Variants in ADGRG6 observed in about 807,000 individuals in gnomAD.
ADGRG6 encodes the protein adhesion G protein-coupled receptor G6, also known as G-protein coupled receptor 126.
In ADGRG6, 84 loss-of-function variants were observed where a neutral mutation model predicts 142.4. The observed-to-expected ratio is 0.59, with a 90% CI of 0.49 to 0.71. The LOEUF is 0.71. ADGRG6 is among the 30% of genes least tolerant of loss of function. The probability of loss-of-function intolerance (pLI) is 0.00; values close to 1 mark genes in which losing one functional copy is unlikely to be tolerated. For missense variants in ADGRG6, 1,367 were observed against 1,466.6 expected (o/e 0.93, Z 1.11); for synonymous variants, 521 against 520.5 (o/e 1.00, Z -0.01).
chr6:142,417,061 T>C (rs1336812322), intron 20 of ADGRG6: 2 of 591,276 alleles, frequency 3.4e-6, no homozygotes, highest in Non-Finnish European at 6.1e-6. Flanking sequence ...AGGTTTGGAT[T>C]GTTGCCAGTT....
intron 2 of ADGRG6, among the ~76,000 whole-genome samples, chr6:142,362,631 A>C (rs544654883): frequency 6.6e-6 from 1 of 152,296 alleles, no homozygotes; most frequent in Admixed American, 6.5e-5. Flanking sequence ...CATCTTGAAA[A>C]ATCTGGATAG....
At chr6:142,303,402 A>T (rs1031693690) in intron 1 of ADGRG6, among the ~76,000 whole-genome samples, 2 of 152,172 alleles carry the variant, frequency 1.3e-5, no homozygotes, top group Non-Finnish European at 2.9e-5. Context: ...CACATTTTAA[A>T]ATAGGAGAAA....
chr6:142,322,029 C>G (rs1778543777), intron 2 of ADGRG6, among the ~76,000 whole-genome samples: 1 of 152,146 alleles, frequency 6.6e-6, no homozygotes, highest in Middle Eastern at 3.4e-3. Context: ...TTCTTCCCAG[C>G]AGGAAAAGAA....
chr6:142,410,120 G>T (rs1005579584), intron 17 of ADGRG6, among the ~76,000 whole-genome samples: 10 of 152,070 alleles, frequency 6.6e-5, no homozygotes, highest in Non-Finnish European at 1.2e-4. Context: ...ATTGCAAGAA[G>T]AAATAGGCAG....
rs1778852341 is a variant in ADGRG6 at position 142,327,803 on chromosome 6, A to G, written c.103+18159A>G. On this transcript the variant is annotated intron_variant, in intron 2 of 24. Coordinates refer to ENST00000367609, the MANE Select transcript of ADGRG6 (RefSeq NM_198569.3). ...TCATTGTAATGATCAGTAATCATAA[A>G]CTAGTGTTAACATTTAATTTTTTTG... Among the ~76,000 whole-genome samples the G allele has an allele frequency of 3.3e-5, 5 of 152,120 alleles. 1 individual carries two copies. In the South Asian group the frequency reaches 1.0e-3, roughly 32 times the overall value.
In ADGRG6 at chr6:142,438,222, G is replaced by A; in HGVS notation, c.3432G>A (p.Lys1144=). 1 of 1,591,604 alleles carries A rather than the reference G, an allele frequency of 6.3e-7. No individual in the cohort carries two copies. The highest frequency in any genetic ancestry group is 8.6e-7 in the Non-Finnish European group (1 of 1,168,498). ...CATTTTTTTTTTCAGATTGGAGTAAGACAGCTACCAATATCATCAAGAAAA... is the reference window on the plus strand; with the variant it reads ...CATTTTTTTTTTCAGATTGGAGTAAAACAGCTACCAATATCATCAAGAAAA... ...FRLADNSDWS[K]TATNIIKKSS... Residue 1144 remains lysine, a synonymous_variant, in exon 24 of 25, where the codon AAG becomes AAA. Transcript: ENST00000367609.
chr6:142,428,458 C>T (rs749380801), intron 22 of ADGRG6, among the ~76,000 whole-genome samples: 1 of 152,014 alleles, frequency 6.6e-6, no homozygotes, highest in Non-Finnish European at 1.5e-5. Flanking sequence ...CAGGATAATG[C>T]TTTGGTCTTT....
At chr6:142,356,119 G>A (rs753513174) in intron 2 of ADGRG6, among the ~76,000 whole-genome samples, 9 of 152,172 alleles carry the variant, frequency 5.9e-5, no homozygotes, top group Non-Finnish European at 8.8e-5. Context: ...GTGGCAAACC[G>A]AAATTCAACC....
chr6:142,433,271 A>T (rs1777300696), intron 22 of ADGRG6, among the ~76,000 whole-genome samples: 1 of 152,196 alleles, frequency 6.6e-6, no homozygotes, highest in African/African-American at 2.4e-5. Flanking sequence ...GGCTTCCTTC[A>T]GTCCACTCTA....
At chr6:142,400,983 TGAA>T (rs1283866149) in intron 11 of ADGRG6, among the ~76,000 whole-genome samples, 1 of 152,146 alleles carries the variant, frequency 6.6e-6, no homozygotes, top group Non-Finnish European at 1.5e-5. Context: ...AAAGAGGAAA[TGAA>T]GACAAGATCC....
chr6:142,334,818 C>G (rs1261241073), intron 2 of ADGRG6, among the ~76,000 whole-genome samples: 1 of 152,080 alleles, frequency 6.6e-6, no homozygotes, highest in African/African-American at 2.4e-5. Context: ...GAGGGCAGTA[C>G]TTAGGCTTAT....
intron 2 of ADGRG6, among the ~76,000 whole-genome samples, chr6:142,340,498 A>G (rs1306839369): frequency 6.6e-6 from 1 of 152,142 alleles, no homozygotes; most frequent in Non-Finnish European, 1.5e-5. Flanking sequence ...ACATAGCTAT[A>G]TAAGGTTACA....
chr6:142,390,135 T>G (rs1306391506), intron 6 of ADGRG6, 123 bp from the exon 7 acceptor site: 2 of 393,988 alleles, frequency 5.1e-6, no homozygotes, highest in African/African-American at 2.1e-5. Context: ...TATTGTAAAT[T>G]ATGTGATTAT....
At chr6:142,385,568 A>G (rs1781980958) in intron 6 of ADGRG6, among the ~76,000 whole-genome samples, 1 of 152,196 alleles carries the variant, frequency 6.6e-6, no homozygotes, top group Non-Finnish European at 1.5e-5. Flanking sequence ...TCACAATTGT[A>G]AAGTGAAACC....
chr6:142,416,276 G>A (rs1467544527), intron 20 of ADGRG6, among the ~76,000 whole-genome samples: 1 of 152,102 alleles, frequency 6.6e-6, no homozygotes, highest in Non-Finnish European at 1.5e-5. Flanking sequence ...ATATACACGA[G>A]TAAAGGAAAA....
Position 142,383,913 on chromosome 6 carries a change from A to G in ADGRG6, c.1222+70A>G, listed in dbSNP as rs1486184651. Reference sequence around the variant, plus strand: ...AAAATTGTATTCTAAGGATGGAAATATGTATTATTCCAACAAAGTGTCTGT... The same window carrying G: ...AAAATTGTATTCTAAGGATGGAAATGTGTATTATTCCAACAAAGTGTCTGT... On this transcript the variant is annotated intron_variant, in intron 6 of 24. Transcript: ENST00000367609. The G allele has an allele frequency of 5.0e-6, 4 of 792,712 alleles. No homozygotes were observed. The African/African-American group carries it at 5.1e-5, about 10-fold the overall frequency. The allele number at this position is 792,712 out of a possible 1,614,324, so 49.1% of individuals were successfully genotyped here. A position where few individuals can be genotyped will look rare whatever the true frequency, so the allele number is the denominator to read the frequency against.
Position 142,309,589 on chromosome 6 carries a change from G to T in ADGRG6, c.48G>T (p.Lys16Asn). The change falls in exon 2 of 25, where the codon AAG (lysine) becomes AAT (asparagine). Residue 16 changes from lysine (K) to asparagine (N), a missense_variant. By Grantham distance (94) the Lys-to-Asn change is moderately conservative. Around this residue, in one of 3 missense-constraint regions of ADGRG6, gnomAD observed 737 missense variants for 746.5 expected, o/e 0.99. Coordinates refer to ENST00000367609, the MANE Select transcript of ADGRG6 (RefSeq NM_198569.3). ...DRMWSCHWKW[K>N]PSPLLFLFAL... ...TGTGGAGCTGCCATTGGAAATGGAA[G>T]CCCAGTCCTCTCCTGTTCTTATTTG... is the stretch of plus-strand genomic sequence containing the variant. The T allele has an allele frequency of 6.2e-7, 1 of 1,609,608 alleles. No individual in the cohort carries two copies. The highest frequency in any genetic ancestry group is 8.5e-7 in the Non-Finnish European group (1 of 1,177,546).
chr6:142,311,560 A>G (rs1287994574), intron 2 of ADGRG6, among the ~76,000 whole-genome samples: 1 of 151,960 alleles, frequency 6.6e-6, no homozygotes, highest in African/African-American at 2.4e-5. Flanking sequence ...GATATATATG[A>G]TATTTAAAAT....
chr6:142,426,692 C>T lies in ADGRG6; in HGVS notation c.3319+6588C>T, dbSNP rs143760478. On this transcript the variant is annotated intron_variant, in intron 22 of 24. Transcript: ENST00000367609. Reference sequence around the variant, plus strand: ...CACATTTCCCTCTGTACTGCCCTAGCGGAGGTTCTCCATGAGGGCCTCACC... The same window carrying T: ...CACATTTCCCTCTGTACTGCCCTAGTGGAGGTTCTCCATGAGGGCCTCACC... 9.0e-3 allele frequency among the ~76,000 whole-genome samples: 1,368 copies of T among 152,302 alleles called. 23 individuals carry two copies. Among genetic ancestry groups the T allele is most frequent in the African/African-American group, 0.031 (1,277 of 41,562 alleles).
Sources: gnomAD v4.1 joint callset for allele counts (sites outside exome capture counted in the v4.1 genomes callset) on GRCh38, gnomAD v4.1.1 for gene constraint, gnomAD v4.1.1 regional missense constraint, MANE v1.5 for transcripts, NCBI Gene and HGNC (gene_info 2026-07-23, HGNC 2026-07-21) for gene names.